CERS6: variants seen among roughly 807,000 people sequenced by gnomAD.
CERS6 encodes the protein LAG1 homolog, ceramide synthase 6.
Under a neutral mutation model 56.8 loss-of-function variants are expected in CERS6, and 26 were observed. That is an observed-to-expected ratio of 0.46 (90% CI 0.34 to 0.63). CERS6 has a LOEUF of 0.63. Ranked by LOEUF, CERS6 falls within the 30% of genes least tolerant of loss-of-function variation. CERS6 has a pLI of 0.01. For synonymous variants in CERS6, 164 were observed against 173.3 expected (o/e 0.95, Z 0.42); for missense variants, 415 against 467.5 (o/e 0.89, Z 1.04).
intron 1 of CERS6, among the ~76,000 whole-genome samples, chr2:168,526,701 A>G (rs1695077943): frequency 6.6e-6 from 1 of 152,218 alleles, no homozygotes; most frequent in Non-Finnish European, 1.5e-5. Flanking sequence ...TTTTTATACA[A>G]TGAGGCTTCT....
intron 4 of CERS6, among the ~76,000 whole-genome samples, chr2:168,666,058 A>G (rs1032813606): frequency 2.0e-5 from 3 of 151,264 alleles, no homozygotes; most frequent in African/African-American, 7.3e-5. Flanking sequence ...TCACCCTGCC[A>G]TCATCACCCC....
intron 3 of CERS6, among the ~76,000 whole-genome samples, chr2:168,593,721 C>T (rs1230196561): frequency 1.3e-5 from 2 of 152,060 alleles, no homozygotes; most frequent in Admixed American, 1.3e-4. Flanking sequence ...CTTTATAAAA[C>T]GTCTTAACTT....
chr2:168,767,872 A>C (rs536319215), intron 9 of CERS6, among the ~76,000 whole-genome samples: 1 of 152,176 alleles, frequency 6.6e-6, no homozygotes, highest in Non-Finnish European at 1.5e-5. Flanking sequence ...TCACAGGAGG[A>C]CCAGATTGGG....
At chr2:168,617,629 T>C (rs1209278153) in intron 3 of CERS6, among the ~76,000 whole-genome samples, 1 of 152,074 alleles carries the variant, frequency 6.6e-6, no homozygotes, top group Non-Finnish European at 1.5e-5. Context: ...CCAGAAAACC[T>C]AGAGGAGATA....
At chr2:168,684,425 A>T (rs1178528019) in intron 4 of CERS6, among the ~76,000 whole-genome samples, 5 of 152,194 alleles carry the variant, frequency 3.3e-5, no homozygotes, top group Non-Finnish European at 5.9e-5. Flanking sequence ...CAATTTATTT[A>T]TATCTTTGTA....
rs190783882 is a variant in CERS6 at position 168,712,587 on chromosome 2, T to A, written c.610-2414T>A. Among the ~76,000 whole-genome samples, 52 of 152,348 alleles carry A rather than the reference T, an allele frequency of 3.4e-4. No individual in the cohort carries two copies. The East Asian group carries it at 0.01, about 29-fold the overall frequency. On this transcript the variant is annotated intron_variant, in intron 6 of 9. Transcript: ENST00000305747. ...GAACAGTTACATATCAGGGATTAAA[T>A]AGTAGCGTGATTACTTTTTATTCAA...
At chr2:168,561,470 G>A in intron 3 of CERS6, 148 bp downstream of exon 3, 1 of 807,192 alleles carries the variant, frequency 1.2e-6, no homozygotes, top group South Asian at 2.1e-5. Flanking sequence ...ACAGGAAACA[G>A]TAGTTTGTAA....
At chr2:168,569,503 T>C (rs1311505622) in intron 3 of CERS6, among the ~76,000 whole-genome samples, 2 of 152,220 alleles carry the variant, frequency 1.3e-5, no homozygotes, top group Admixed American at 6.5e-5. Flanking sequence ...CTTGGACATA[T>C]TTGAAGAGAG....
intron 1 of CERS6, among the ~76,000 whole-genome samples, chr2:168,472,929 G>A (rs1188273878): frequency 6.6e-6 from 1 of 152,100 alleles, no homozygotes; most frequent in Non-Finnish European, 1.5e-5. Flanking sequence ...ACAAAATATT[G>A]GTTTGTGACA....
At chr2:168,597,448 C>T (rs1683828398) in intron 3 of CERS6, among the ~76,000 whole-genome samples, 1 of 152,156 alleles carries the variant, frequency 6.6e-6, no homozygotes, top group Admixed American at 6.5e-5. Context: ...GATGACCACT[C>T]CCGGATTCCT....
rs372372709 is a variant in CERS6 at position 168,463,386 on chromosome 2, T to A, written c.170+6768T>A. Among the ~76,000 whole-genome samples, 9 of 152,356 alleles carry A rather than the reference T, an allele frequency of 5.9e-5. 1 individual carries two copies. Among genetic ancestry groups the A allele is most frequent in the African/African-American group, 1.4e-4 (6 of 41,584 alleles). On this transcript the variant is annotated intron_variant, in intron 1 of 9. Transcript: ENST00000305747. The stretch of plus-strand genomic sequence containing the variant: ...TTCTACACTGTGGTTATACCATAAT[T>A]TACTTAACCAGTGTTCATGTTTTTG...
intron 6 of CERS6, among the ~76,000 whole-genome samples, chr2:168,701,896 CCG>C (rs1296457556): frequency 6.6e-6 from 1 of 151,976 alleles, no homozygotes; most frequent in Non-Finnish European, 1.5e-5. Flanking sequence ...TTTTGTACAA[CCG>C]ATGCACATCC....
intron 8 of CERS6, among the ~76,000 whole-genome samples, chr2:168,728,739 C>G (rs1163589572): frequency 6.6e-6 from 1 of 151,838 alleles, no homozygotes; most frequent in Non-Finnish European, 1.5e-5. Context: ...GTCGCAGTGG[C>G]TCATGTCTGT....
chr2:168,490,075 C>A (rs1187662208), intron 1 of CERS6, among the ~76,000 whole-genome samples: 3 of 152,138 alleles, frequency 2.0e-5, no homozygotes, highest in African/African-American at 7.2e-5. Context: ...GGTTTCAAAG[C>A]CTTTGTGATG....
chr2:168,524,751 A>T (rs1368120153), intron 1 of CERS6, among the ~76,000 whole-genome samples: 1 of 152,060 alleles, frequency 6.6e-6, no homozygotes, highest in Non-Finnish European at 1.5e-5. Context: ...ACGGGGTTTT[A>T]TGTATGTGAT....
At chr2:168,459,576 G>A (rs1460329405) in intron 1 of CERS6, among the ~76,000 whole-genome samples, 2 of 152,024 alleles carry the variant, frequency 1.3e-5, no homozygotes, top group South Asian at 2.1e-4. Context: ...ACTTAACTCC[G>A]GGTAAGGACC....
intron 1 of CERS6, among the ~76,000 whole-genome samples, chr2:168,470,549 GT>G (rs1388378692): frequency 4.6e-5 from 7 of 152,188 alleles, no homozygotes; most frequent in African/African-American, 1.7e-4. Flanking sequence ...GCCAGGGTCA[GT>G]TCCTGGTGTG....
intron 2 of CERS6, 27 bp from the exon 3 acceptor site, chr2:168,561,165 T>G: frequency 1.9e-6 from 3 of 1,612,328 alleles, no homozygotes; most frequent in Non-Finnish European, 2.5e-6. Flanking sequence ...GGATTGAAAA[T>G]TATTTTTCTG....
At chr2:168,767,136 T>G (rs1684749685) in intron 9 of CERS6, among the ~76,000 whole-genome samples, 1 of 152,234 alleles carries the variant, frequency 6.6e-6, no homozygotes, top group Admixed American at 6.5e-5. Flanking sequence ...ACCAGACTTG[T>G]TGCCTGCTCT....
Sources: gnomAD v4.1 joint callset for allele counts (sites outside exome capture counted in the v4.1 genomes callset) on GRCh38, gnomAD v4.1.1 for gene constraint, MANE v1.5 for transcripts, NCBI Gene and HGNC (gene_info 2026-07-23, HGNC 2026-07-21) for gene names.